The following ZMAT4 variants were observed in gnomAD, a reference collection of about 807,000 sequenced individuals.
ZMAT4 encodes the protein zinc finger matrin-type 4.
A neutral mutation model predicts 28.7 loss-of-function variants in ZMAT4; 17 were observed. The observed-to-expected ratio is 0.59, with a 90% CI of 0.41 to 0.89. ZMAT4 has a LOEUF of 0.89. ZMAT4 is among the 40% of genes least tolerant of loss of function. The pLI, the probability that ZMAT4 is intolerant of heterozygous loss-of-function variation, is 0.00. For missense variants in ZMAT4, 240 were observed against 283.8 expected (o/e 0.85, Z 1.11); for synonymous variants, 117 against 109.2 (o/e 1.07, Z -0.44).
At position 40,730,150 on chromosome 8, in the gene ZMAT4, C is replaced by T. The variant is rs565409813; in HGVS notation, c.193-32749G>A. Among the ~76,000 whole-genome samples the T allele has an allele frequency of 8.5e-5, 13 of 152,106 alleles. No individual in the cohort carries two copies. In the East Asian group the frequency reaches 2.3e-3, roughly 27 times the overall value. On this transcript the variant is annotated intron_variant, in intron 3 of 6. Coordinates refer to ENST00000297737, the MANE Select transcript of ZMAT4 (RefSeq NM_024645.3). ...ATCACAATTATCCATGAATGGAAGC[C>T]CATAGTCATGAATTCATGAGTATTT...
At chr8:40,650,974 T>A (rs1358865453) in intron 5 of ZMAT4, among the ~76,000 whole-genome samples, 13 of 150,054 alleles carry the variant, frequency 8.7e-5, no homozygotes, top group African/African-American at 2.4e-4. Context: ...AATATCATAC[T>A]GAATGGGCAA....
intron 3 of ZMAT4, among the ~76,000 whole-genome samples, chr8:40,752,165 T>G (rs1212824459): frequency 6.6e-6 from 1 of 152,162 alleles, no homozygotes; most frequent in Non-Finnish European, 1.5e-5. Flanking sequence ...GACAACCTTC[T>G]GCTGCCCTAC....
intron 2 of ZMAT4, among the ~76,000 whole-genome samples, chr8:40,779,161 A>C (rs1813723678): frequency 6.6e-6 from 1 of 152,142 alleles, no homozygotes; most frequent in Admixed American, 6.5e-5. Flanking sequence ...AATAAGTCTC[A>C]CAAGATCTGA....
At chr8:40,602,229 G>A (rs1225792503) in intron 5 of ZMAT4, among the ~76,000 whole-genome samples, 1 of 152,168 alleles carries the variant, frequency 6.6e-6, no homozygotes, top group East Asian at 1.9e-4. Flanking sequence ...TTATGTGTGT[G>A]TATACATATA....
intron 5 of ZMAT4, among the ~76,000 whole-genome samples, chr8:40,614,643 C>T (rs1805930657): frequency 6.6e-6 from 1 of 152,178 alleles, no homozygotes; most frequent in Non-Finnish European, 1.5e-5. Flanking sequence ...GGATAGTTAG[C>T]TCTTCTTGTT....
chr8:40,819,214 C>T (rs1328114472), intron 2 of ZMAT4, among the ~76,000 whole-genome samples: 1 of 152,090 alleles, frequency 6.6e-6, no homozygotes, highest in Admixed American at 6.5e-5. Context: ...TCTGCCATTC[C>T]CAGGTGGGCT....
intron 2 of ZMAT4, among the ~76,000 whole-genome samples, chr8:40,789,335 G>A (rs147617320): frequency 9.9e-5 from 15 of 152,250 alleles, no homozygotes; most frequent in African/African-American, 2.6e-4. Context: ...TTAGGCAAAC[G>A]TGTCTACTGT....
chr8:40,822,979 C>T (rs566445274), intron 2 of ZMAT4, among the ~76,000 whole-genome samples: 6 of 152,230 alleles, frequency 3.9e-5, no homozygotes, highest in South Asian at 2.1e-4. Context: ...AACAGGAAAA[C>T]GTGCAAAATA....
At chr8:40,701,740 A>G (rs1308846347) in intron 3 of ZMAT4, among the ~76,000 whole-genome samples, 3 of 151,296 alleles carry the variant, frequency 2.0e-5, no homozygotes. Flanking sequence ...CTAGTCTCGA[A>G]CTCCTGACCT....
At chr8:40,878,130 A>G (rs575132191) in intron 1 of ZMAT4, among the ~76,000 whole-genome samples, 1 of 152,200 alleles carries the variant, frequency 6.6e-6, no homozygotes, top group Non-Finnish European at 1.5e-5. Context: ...GAAAACATAT[A>G]GCGGCTCCTC....
intron 2 of ZMAT4, among the ~76,000 whole-genome samples, chr8:40,793,976 C>T (rs1814473698): frequency 1.3e-5 from 2 of 152,190 alleles, no homozygotes; most frequent in South Asian, 4.2e-4. Context: ...TATTTCTCCC[C>T]ACCCGCTGGT....
chr8:40,730,848 G>T (rs1811506394), intron 3 of ZMAT4, among the ~76,000 whole-genome samples: 1 of 152,140 alleles, frequency 6.6e-6, no homozygotes. Context: ...TAACTGTTTT[G>T]GAACTCTGGA....
intron 6 of ZMAT4, among the ~76,000 whole-genome samples, chr8:40,539,613 A>G (rs933992298): frequency 1.3e-5 from 2 of 152,216 alleles, no homozygotes; most frequent in African/African-American, 4.8e-5. Context: ...CATCGATAAT[A>G]TCTTCCTCCT....
At chr8:40,820,800 T>C (rs1225775596) in intron 2 of ZMAT4, among the ~76,000 whole-genome samples, 8,110 of 150,820 alleles carry the variant, frequency 0.054, 70 homozygotes, top group Admixed American at 0.098. Flanking sequence ...TGTGTGTGTA[T>C]ATATGTGTGG....
chr8:40,869,998 A>T (rs1404781582), intron 1 of ZMAT4, among the ~76,000 whole-genome samples: 1 of 152,228 alleles, frequency 6.6e-6, no homozygotes, highest in Non-Finnish European at 1.5e-5. Context: ...GCAGGAGACC[A>T]GAATATGCCA....
intron 4 of ZMAT4, among the ~76,000 whole-genome samples, chr8:40,679,011 C>T (rs1304919989): frequency 2.0e-5 from 3 of 152,052 alleles, no homozygotes; most frequent in Admixed American, 6.6e-5. Context: ...ACAATCAGCC[C>T]CAAATATTTT....
intron 3 of ZMAT4, among the ~76,000 whole-genome samples, chr8:40,721,637 C>A (rs36140092): frequency 0.097 from 14,590 of 149,674 alleles, 890 homozygotes; most frequent in Middle Eastern, 0.21. Flanking sequence ...CTCTCCAGCA[C>A]CTGTTGTTTC....
chr8:40,810,671 A>G (rs1815279947), intron 2 of ZMAT4, among the ~76,000 whole-genome samples: 1 of 152,208 alleles, frequency 6.6e-6, no homozygotes, highest in Non-Finnish European at 1.5e-5. Context: ...AGGGCTTCTT[A>G]AACAAACTGT....
chr8:40,896,690 C>T (rs145573707), intron 1 of ZMAT4, among the ~76,000 whole-genome samples: 69 of 152,312 alleles, frequency 4.5e-4, no homozygotes, highest in African/African-American at 1.5e-3. Flanking sequence ...ATTTAGAATG[C>T]TCAAGGGTGC....
Sources: gnomAD v4.1 joint callset for allele counts (sites outside exome capture counted in the v4.1 genomes callset) on GRCh38, gnomAD v4.1.1 for gene constraint, MANE v1.5 for transcripts, NCBI Gene and HGNC (gene_info 2026-07-23, HGNC 2026-07-21) for gene names.